Variants in GADL1 observed in about 807,000 individuals in gnomAD.
GADL1 encodes acidic amino acid decarboxylase GADL1.
GADL1 carries 71 observed loss-of-function variants against 69.5 expected under a neutral mutation model. The observed-to-expected ratio is 1.02, with a 90% confidence interval of 0.84 to 1.25. The LOEUF is 1.25. Among genes scored for constraint, GADL1 ranks in the 50% most tolerant of loss-of-function variants. The pLI is 0.00. For missense variants in GADL1, 737 were observed against 631.8 expected (o/e 1.17, Z -1.79); for synonymous variants, 254 against 214.4 (o/e 1.18, Z -1.62).
chr3:30,851,112 T>C (rs540317995), intron 4 of GADL1, among the ~76,000 whole-genome samples, 171 bp from the exon 5 acceptor site: 1 of 152,300 alleles, frequency 6.6e-6, no homozygotes, highest in African/African-American at 2.4e-5. Context: ...ACAGCACTAG[T>C]CATGGTTAGA....
At chr3:30,843,989 C>T (rs1412864772) in intron 8 of GADL1, among the ~76,000 whole-genome samples, 1 of 152,158 alleles carries the variant, frequency 6.6e-6, no homozygotes, top group African/African-American at 2.4e-5. Flanking sequence ...CAAGAATATC[C>T]GGGAAACTCC....
chr3:30,850,257 G>C (rs750741816), intron 5 of GADL1, 146 bp from the exon 6 acceptor site: 8 of 632,904 alleles, frequency 1.3e-5, no homozygotes, highest in Non-Finnish European at 2.2e-5. Flanking sequence ...CGACCTCCCT[G>C]CTCCCATTAT....
rs545098713 is a variant in GADL1, at chr3:30,860,216, G to C, written c.210+1377C>G. On this transcript the variant is annotated intron_variant, in intron 2 of 14. Transcript: ENST00000282538. ...CCCAAAAATCTGTTCCAGTCTCAAA[G>C]CATTTATCACATCCTTACTGGGACC... Among the ~76,000 whole-genome samples, 4 of 151,836 alleles carry C rather than the reference G, an allele frequency of 2.6e-5. No homozygotes were observed. The South Asian group carries it at 8.3e-4, about 32-fold the overall frequency.
chr3:30,881,944 C>A (rs979263902), intron 1 of GADL1, among the ~76,000 whole-genome samples: 5 of 151,826 alleles, frequency 3.3e-5, no homozygotes, highest in Non-Finnish European at 5.9e-5. Flanking sequence ...AATGATGGAG[C>A]AAGAAGGCTT....
chr3:30,752,655 A>G (rs1034381873), intron 14 of GADL1, among the ~76,000 whole-genome samples: 5 of 152,224 alleles, frequency 3.3e-5, no homozygotes, highest in African/African-American at 7.2e-5. Flanking sequence ...CCACTGGAGC[A>G]TACTTCATAG....
intron 12 of GADL1, among the ~76,000 whole-genome samples, chr3:30,797,050 A>G (rs947784619): frequency 1.3e-5 from 2 of 152,206 alleles, no homozygotes; most frequent in Non-Finnish European, 2.9e-5. Flanking sequence ...CTTTGACCAA[A>G]GGAGTATTAT....
rs1698323850 is a variant in GADL1, at chr3:30,861,711, T to A, written c.92A>T (p.Asp31Val). 2 of 1,549,600 alleles carry A rather than the reference T, an allele frequency of 1.3e-6. No homozygotes were observed. The highest frequency in any genetic ancestry group is 1.7e-6 in the Non-Finnish European group (2 of 1,145,438). ...TGTAGGACCATTCAGCACAACCCCA[T>A]CCACAAGAACAGCATTCTTCTTACT... is the stretch of plus-strand genomic sequence containing the variant. ...IPSKKNAVLV[D>V]GVVLNGPTTD... The change falls in exon 2 of 15, where the codon GAT becomes GTT. Residue 31 changes from aspartate (D) to valine (V), a missense_variant. Physicochemically the swap from Asp to Val is radical, Grantham distance 152. Coordinates refer to ENST00000282538, the MANE Select transcript of GADL1 (RefSeq NM_207359.3).
chr3:30,839,034 T>C lies in GADL1; in HGVS notation c.866A>G (p.Asp289Gly). ...GAFDPLDEIADICERHSLWLH... is the reference protein window; with the variant it reads ...GAFDPLDEIAGICERHSLWLH... ...CCAGAGGCTGTGCCTCTCGCAGATG[T>C]CTGCTATTTCATCCAGAGGGTCAAA... Residue 289 changes from aspartate to glycine, a missense_variant, in exon 9 of 15, where the codon GAC (aspartate) becomes GGC (glycine). By Grantham distance (94) the Asp-to-Gly change is moderately conservative (BLOSUM62 -1). Coordinates refer to ENST00000282538, the MANE Select transcript of GADL1 (RefSeq NM_207359.3). The C allele has an allele frequency of 6.2e-7, 1 of 1,606,062 alleles. No individual in the cohort carries two copies. Among genetic ancestry groups the C allele is most frequent in the South Asian group, 1.1e-5 (1 of 89,206 alleles).
At chr3:30,740,956 T>C (rs948879749) in intron 14 of GADL1, among the ~76,000 whole-genome samples, 32 of 137,994 alleles carry the variant, frequency 2.3e-4, no homozygotes, top group Non-Finnish European at 4.9e-4. Flanking sequence ...ATCAAATATA[T>C]TTATTATATA....
At chr3:30,765,686 T>C (rs1696259910) in intron 14 of GADL1, among the ~76,000 whole-genome samples, 1 of 152,212 alleles carries the variant, frequency 6.6e-6, no homozygotes, top group African/African-American at 2.4e-5. Flanking sequence ...ATTTTTATTT[T>C]GCATGAGTTT....
intron 4 of GADL1, among the ~76,000 whole-genome samples, chr3:30,854,169 A>G (rs1052032743): frequency 3.9e-5 from 6 of 152,120 alleles, no homozygotes; most frequent in Non-Finnish European, 5.9e-5. Context: ...ATCACCTAAT[A>G]ACACTTATTC....
chr3:30,844,552 G>A, intron 6 of GADL1, 86 bp from the exon 7 acceptor site: 2 of 875,126 alleles, frequency 2.3e-6, no homozygotes, highest in Middle Eastern at 2.2e-4. Flanking sequence ...GTAGATGAAA[G>A]TATGGCTGAG....
At chr3:30,843,150 C>T (rs528295250) in intron 8 of GADL1, among the ~76,000 whole-genome samples, 13 of 152,096 alleles carry the variant, frequency 8.5e-5, no homozygotes, top group African/African-American at 2.4e-4. Context: ...TATTGGAGAA[C>T]GGTCTGAAGC....
At chr3:30,768,846 G>A (rs1382185973) in intron 14 of GADL1, among the ~76,000 whole-genome samples, 1 of 152,154 alleles carries the variant, frequency 6.6e-6, no homozygotes, top group Non-Finnish European at 1.5e-5. Flanking sequence ...CACAGCATTT[G>A]TTCACTCCGC....
intron 1 of GADL1, among the ~76,000 whole-genome samples, chr3:30,865,632 A>G (rs1698391129): frequency 6.6e-6 from 1 of 152,054 alleles, no homozygotes. Flanking sequence ...TTAATGGGCT[A>G]GAGAAGAGAC....
At chr3:30,765,972 T>G (rs9876126) in intron 14 of GADL1, among the ~76,000 whole-genome samples, 15,335 of 152,156 alleles carry the variant, frequency 0.1, 2,103 homozygotes, top group African/African-American at 0.32. Flanking sequence ...CATAAGAGTA[T>G]ATGAAAAGGG....
chr3:30,781,991 A>C (rs1696676696), intron 13 of GADL1, among the ~76,000 whole-genome samples: 2 of 151,018 alleles, frequency 1.3e-5, no homozygotes, highest in South Asian at 4.4e-4. Flanking sequence ...CAAGCTGTTC[A>C]AATTAATAAG....
intron 1 of GADL1, among the ~76,000 whole-genome samples, chr3:30,874,367 G>C (rs1698547507): frequency 6.6e-6 from 1 of 151,950 alleles, no homozygotes; most frequent in South Asian, 2.1e-4. Context: ...AGTACTCGCA[G>C]AACACTGCCT....
chr3:30,833,937 ATTG>A lies in GADL1; in HGVS notation c.969-6_969-4del, dbSNP rs769279259. On this transcript the variant is annotated splice_region_variant and splice_polypyrimidine_tract_variant and intron_variant, in intron 10 of 14. Coordinates refer to ENST00000282538, the MANE Select transcript of GADL1 (RefSeq NM_207359.3). Reference sequence around the variant, plus strand: ...GGTTCCAGGCCACAGAGTCAGCCCTATTGTTTAAACAAAGGGACAGAGTAGGGA... The same window carrying A: ...GGTTCCAGGCCACAGAGTCAGCCCTATTTAAACAAAGGGACAGAGTAGGGA... The A allele has an allele frequency of 1.8e-4, 285 of 1,607,764 alleles. 1 individual carries two copies. Among genetic ancestry groups the A allele is most frequent in the Non-Finnish European group, 4.5e-5 (53 of 1,174,818 alleles).
Sources: allele counts gnomAD v4.1 joint callset (sites outside exome capture counted in the v4.1 genomes callset), GRCh38; gene constraint gnomAD v4.1.1; transcripts MANE v1.5; gene names NCBI Gene and HGNC (gene_info 2026-07-23, HGNC 2026-07-21).